PCTP: variants seen among roughly 807,000 people sequenced by gnomAD.
PCTP encodes phosphatidylcholine transfer protein, also known as START domain-containing protein 2.
PCTP carries 27 observed loss-of-function variants against 31.0 expected under a neutral mutation model. The observed-to-expected ratio is 0.87, with a 90% CI of 0.64 to 1.20. The LOEUF (loss-of-function observed/expected upper bound fraction) is 1.20, where lower values mean the gene tolerates loss of function less well. Ranked by LOEUF, PCTP falls within the 50% of genes most tolerant of loss-of-function variation. PCTP has a pLI of 0.00. For synonymous variants in PCTP, 108 were observed against 101.2 expected (o/e 1.07, Z -0.40); for missense variants, 287 against 268.2 (o/e 1.07, Z -0.49).
At chr17:55,781,013 TAA>T (rs35519775), downstream of PCTP, among the ~76,000 whole-genome samples, 10,398 of 130,892 alleles carry the variant, frequency 0.079, 367 homozygotes, top group African/African-American at 0.1. Flanking sequence ...CCACAGCATG[TAA>T]AAAAAAAAAA....
downstream of PCTP, among the ~76,000 whole-genome samples, chr17:55,823,559 T>C (rs1377697264): frequency 6.6e-6 from 1 of 152,224 alleles, no homozygotes; most frequent in African/African-American, 2.4e-5. Flanking sequence ...AAAGTAAATA[T>C]ATAAATTAGA....
chr17:55,824,653 AG>A (rs1387203279), downstream of PCTP, among the ~76,000 whole-genome samples: 1 of 152,190 alleles, frequency 6.6e-6, no homozygotes, highest in Non-Finnish European at 1.5e-5. Context: ...CCCTGAACAC[AG>A]AGATAAGTGG....
chr17:55,828,010 A>G (rs1280792160), downstream of PCTP, among the ~76,000 whole-genome samples: 1 of 152,218 alleles, frequency 6.6e-6, no homozygotes, highest in Non-Finnish European at 1.5e-5. Flanking sequence ...ATATTAATAT[A>G]GTGCCTGGTA....
At chr17:55,801,379 A>G (rs1342149879) in intron 3 of PCTP, among the ~76,000 whole-genome samples, 1 of 152,078 alleles carries the variant, frequency 6.6e-6, no homozygotes, top group Non-Finnish European at 1.5e-5. Flanking sequence ...AGACATCTAC[A>G]AAACTCTCCA....
At chr17:55,832,795 G>GTTCTC (rs1905647049) in intron 5 of PCTP, among the ~76,000 whole-genome samples, 2 of 152,252 alleles carry the variant, frequency 1.3e-5, no homozygotes, top group East Asian at 3.9e-4. Context: ...TATTGCCTGT[G>GTTCTC]TTCTGCTAGG....
rs566835030 is a variant in PCTP at position 55,774,044 on chromosome 17, G to C, written c.511+149G>C. The C allele has an allele frequency of 2.4e-5, 22 of 915,800 alleles. No individual in the cohort carries two copies. The South Asian group carries it at 3.3e-4, about 14-fold the overall frequency. The allele number at this position is 915,800 out of a possible 1,614,324, so 56.7% of individuals were successfully genotyped here. ...CAGAGCAAACCAGGATCAGCACCTA[G>C]AGAGAGCCTCATTCCACCCCAACAA... On this transcript the variant is annotated intron_variant, in intron 4 of 5. Transcript: ENST00000268896.
At chr17:55,771,868 G>A (rs1597985803) in intron 3 of PCTP, among the ~76,000 whole-genome samples, 1 of 152,218 alleles carries the variant, frequency 6.6e-6, no homozygotes, top group East Asian at 1.9e-4. Flanking sequence ...ATGACTCCTA[G>A]GTAAGATTTT....
intron 2 of PCTP, among the ~76,000 whole-genome samples, chr17:55,787,174 A>G (rs2144997550): frequency 6.6e-6 from 1 of 150,896 alleles, no homozygotes; most frequent in African/African-American, 2.4e-5. Flanking sequence ...CTTTCCACCA[A>G]TGTCCTAAGC....
At chr17:55,808,012 T>A (rs9902099) in intron 3 of PCTP, among the ~76,000 whole-genome samples, 6,460 of 152,226 alleles carry the variant, frequency 0.042, 440 homozygotes, top group African/African-American at 0.14. Flanking sequence ...ATGATGATAA[T>A]GATGGTGGTG....
intron 3 of PCTP, among the ~76,000 whole-genome samples, chr17:55,795,105 G>A (rs1027196099): frequency 6.6e-6 from 1 of 151,896 alleles, no homozygotes; most frequent in Admixed American, 6.6e-5. Flanking sequence ...AAAATTGAAT[G>A]AACATGACAT....
chr17:55,806,146 T>C (rs1027422810), intron 3 of PCTP, among the ~76,000 whole-genome samples: 6 of 151,838 alleles, frequency 4.0e-5, no homozygotes, highest in Admixed American at 6.6e-5. Flanking sequence ...TATTAGAAAA[T>C]AGAAGTATAG....
At chr17:55,830,260 C>T (rs574866514) in intron 5 of PCTP, among the ~76,000 whole-genome samples, 38 of 152,190 alleles carry the variant, frequency 2.5e-4, no homozygotes, top group African/African-American at 8.2e-4. Flanking sequence ...GTTTGAAAAC[C>T]GTAGAGTAGA....
At chr17:55,813,730 A>G (rs1912826239) in intron 3 of PCTP, among the ~76,000 whole-genome samples, 2 of 152,192 alleles carry the variant, frequency 1.3e-5, no homozygotes, top group South Asian at 4.1e-4. Context: ...GCATTTTTCC[A>G]TGTTGTCCCA....
At chr17:55,793,063 A>C (rs1465903056) in intron 3 of PCTP, among the ~76,000 whole-genome samples, 1 of 152,032 alleles carries the variant, frequency 6.6e-6, no homozygotes, top group Admixed American at 6.6e-5. Context: ...ATTTTAGAAC[A>C]TCTCTTCTGT....
Position 55,768,351 on chromosome 17 carries a change from G to A in PCTP, c.259+899G>A, listed in dbSNP as rs541086934. 6.6e-5 allele frequency among the ~76,000 whole-genome samples: 10 copies of A among 152,208 alleles called. No homozygotes were observed. The South Asian group carries it at 1.7e-3, about 25-fold the overall frequency. The stretch of plus-strand genomic sequence containing the variant: ...CTAGGTTGTCATGAAAGGGGAGGAG[G>A]TGCGGTCCAAGTTTTGGTTTGAGAG... On this transcript the variant is annotated intron_variant, in intron 2 of 5. Coordinates refer to ENST00000268896, the MANE Select transcript of PCTP (RefSeq NM_021213.4).
the PCTP span, among the ~76,000 whole-genome samples, chr17:55,848,511 A>T: frequency 6.6e-6 from 1 of 152,208 alleles, no homozygotes; most frequent in Non-Finnish European, 1.5e-5. Context: ...GACAGATTAC[A>T]TTCAGAAAAA....
intron 1 of PCTP, among the ~76,000 whole-genome samples, chr17:55,761,575 G>A (rs1352921059): frequency 6.8e-6 from 1 of 146,878 alleles, no homozygotes; most frequent in African/African-American, 2.5e-5. Context: ...ATAAATATAT[G>A]TAATATATAT....
chr17:55,751,449 G>C (rs1196818031), intron 1 of PCTP: 1 of 1,533,354 alleles, frequency 6.5e-7, no homozygotes, highest in African/African-American at 1.4e-5. Flanking sequence ...ATCCAGGGGA[G>C]TTGGAAGGTC....
intron 1 of PCTP, among the ~76,000 whole-genome samples, chr17:55,761,120 C>G (rs1261879868): frequency 6.6e-6 from 1 of 152,154 alleles, no homozygotes; most frequent in African/African-American, 2.4e-5. Context: ...AGCTGTAGGA[C>G]TTAGGCAAGT....
Sources: allele counts gnomAD v4.1 joint callset (sites outside exome capture counted in the v4.1 genomes callset), GRCh38; gene constraint gnomAD v4.1.1; transcripts MANE v1.5; gene names NCBI Gene and HGNC (gene_info 2026-07-23, HGNC 2026-07-21).